The following IGSF21 variants were observed in gnomAD, a reference collection of about 807,000 sequenced individuals.
IGSF21 encodes immunoglobin superfamily member 21, also known as immunoglobulin superfamily member 21.
In IGSF21, 28 loss-of-function variants were observed where a neutral mutation model predicts 46.8. That is an observed-to-expected ratio of 0.60 (90% CI 0.44 to 0.82). The LOEUF is 0.82. Ranked by LOEUF, IGSF21 falls within the 40% of genes least tolerant of loss-of-function variation. The pLI is 0.00. For synonymous variants in IGSF21, 284 were observed against 273.6 expected, an observed-to-expected ratio of 1.04 and a Z score of -0.38; for missense variants, 624 against 665.5, an observed-to-expected ratio of 0.94 and a Z score of 0.69.
intron 1 of IGSF21, among the ~76,000 whole-genome samples, chr1:18,136,854 G>A (rs2086372040): frequency 6.6e-6 from 1 of 152,114 alleles, no homozygotes; most frequent in African/African-American, 2.4e-5. Context: ...GGGCAGTATG[G>A]CCATTTTCAC....
chr1:18,332,498 CT>C (rs71018070), intron 3 of IGSF21, among the ~76,000 whole-genome samples: 2,071 of 147,206 alleles, frequency 0.014, 13 homozygotes, highest in Middle Eastern at 0.04. Context: ...CTCTGAGTCT[CT>C]TTTTTTTTTT....
At chr1:18,216,057 A>G (rs1396505580) in intron 1 of IGSF21, among the ~76,000 whole-genome samples, 1 of 152,174 alleles carries the variant, frequency 6.6e-6, no homozygotes, top group Non-Finnish European at 1.5e-5. Context: ...TTATATTACA[A>G]TGGAATGTGT....
At position 18,126,749 on chromosome 1, in the gene IGSF21, G is replaced by C. The variant is rs531289364; in HGVS notation, c.70+18551G>C. 3.3e-5 allele frequency among the ~76,000 whole-genome samples: 5 copies of C among 152,256 alleles called. No individual in the cohort carries two copies. In the South Asian group the frequency reaches 8.3e-4, roughly 25 times the overall value. On this transcript the variant is annotated intron_variant, in intron 1 of 9. Transcript: ENST00000251296. ...CATGCTTCGTTATGTTTTATTAAAA[G>C]AGCTGGTGCTGGCTTCCGCTGGCAC...
At chr1:18,140,279 G>A (rs1363645631) in intron 1 of IGSF21, among the ~76,000 whole-genome samples, 3 of 152,146 alleles carry the variant, frequency 2.0e-5, no homozygotes, top group African/African-American at 4.8e-5. Flanking sequence ...ACCCTGTCTC[G>A]CCTAGTTCCC....
chr1:18,139,317 G>A (rs185736670), intron 1 of IGSF21, among the ~76,000 whole-genome samples: 8 of 152,010 alleles, frequency 5.3e-5, no homozygotes, highest in African/African-American at 7.3e-5. Context: ...GATGGGAGCC[G>A]GGGCATCTGA....
chr1:18,329,771 G>A (rs2085694092), intron 3 of IGSF21, among the ~76,000 whole-genome samples: 1 of 152,306 alleles, frequency 6.6e-6, no homozygotes, highest in South Asian at 2.1e-4. Flanking sequence ...CCCAATCCAA[G>A]CCTCAGTTTA....
At chr1:18,306,398 A>G (rs2085426637) in intron 3 of IGSF21, among the ~76,000 whole-genome samples, 1 of 151,228 alleles carries the variant, frequency 6.6e-6, no homozygotes, top group African/African-American at 2.4e-5. Context: ...AGAATTTCCC[A>G]CCCCTGTGTC....
chr1:18,355,837 T>C (rs1467876579), intron 4 of IGSF21, among the ~76,000 whole-genome samples: 1 of 147,434 alleles, frequency 6.8e-6, no homozygotes, highest in East Asian at 2.0e-4. Context: ...CTCTTTTTTT[T>C]TTTTTTTTTT....
rs1181259224 is a variant in IGSF21 at position 18,334,602 on chromosome 1, C to A, written c.306-290C>A. Among the ~76,000 whole-genome samples the A allele has an allele frequency of 6.6e-6, 1 of 152,180 alleles. No individual in the cohort carries two copies. Among genetic ancestry groups the A allele is most frequent in the Non-Finnish European group, 1.5e-5 (1 of 68,026 alleles). ...ATCCTCACGGCTCCCTGGAAGTGGG[C>A]ACCATCCCAGGCTCATGGAAGCCAA... is the stretch of plus-strand genomic sequence containing the variant. On this transcript the variant is annotated intron_variant, in intron 3 of 9. Coordinates refer to ENST00000251296, the MANE Select transcript of IGSF21 (RefSeq NM_032880.5). The surrounding 1 kb of genome is among the most constrained non-coding windows in gnomAD (Gnocchi z 4.3).
chr1:18,230,625 G>T (rs1333793704), intron 2 of IGSF21, among the ~76,000 whole-genome samples: 2 of 152,198 alleles, frequency 1.3e-5, no homozygotes, highest in South Asian at 2.1e-4. Context: ...AAGGATGGGG[G>T]CAGAGGAAGG....
chr1:18,307,104 C>T (rs1259645109), intron 3 of IGSF21, among the ~76,000 whole-genome samples: 2 of 152,066 alleles, frequency 1.3e-5, no homozygotes, highest in African/African-American at 2.4e-5. Context: ...TAATTGATTA[C>T]ATATTTCCTT....
intron 1 of IGSF21, among the ~76,000 whole-genome samples, chr1:18,167,502 G>GGTGGT (rs1480981513): frequency 6.6e-6 from 1 of 152,066 alleles, no homozygotes; most frequent in Non-Finnish European, 1.5e-5. Context: ...AAGGGTCTTG[G>GGTGGT]GTGGTGGTGA....
Position 18,107,900 on chromosome 1 carries a change from C to T in IGSF21, c.-229C>T, listed in dbSNP as rs1337940562. 2.8e-5 allele frequency: 5 copies of T among 175,962 alleles called. No homozygotes were observed. Among genetic ancestry groups the T allele is most frequent in the Non-Finnish European group, 5.9e-5 (5 of 84,594 alleles). 10.9% of individuals were successfully genotyped at this position (175,962 alleles called of 1,614,324 possible). ...AGAACCGCGGCGAGCCCCGAGGACG[C>T]CCAGAGCGCGAGGGTCGCTGCGCCT... On this transcript the variant is annotated 5_prime_UTR_variant, in exon 1 of 10. Coordinates refer to ENST00000251296, the MANE Select transcript of IGSF21 (RefSeq NM_032880.5).
intron 4 of IGSF21, among the ~76,000 whole-genome samples, chr1:18,346,035 G>A (rs1557653870): frequency 6.6e-6 from 1 of 152,182 alleles, no homozygotes; most frequent in Non-Finnish European, 1.5e-5. Flanking sequence ...GTGAAGGGCT[G>A]TGTCCATAGC....
chr1:18,359,338 A>AAAAAAAAGAAAG (rs1553166308), intron 4 of IGSF21, among the ~76,000 whole-genome samples: 545 of 35,186 alleles, frequency 0.015, 25 homozygotes, highest in East Asian at 0.025. Flanking sequence ...AAGAGAAAGA[A>AAAAAAAAGAAAG]AAAGAAAGAA....
intron 2 of IGSF21, among the ~76,000 whole-genome samples, chr1:18,262,762 C>A (rs554131358): frequency 2.0e-5 from 3 of 152,232 alleles, no homozygotes; most frequent in Non-Finnish European, 2.9e-5. Flanking sequence ...TGCTAAGAAC[C>A]AAGTCCTTTC....
At chr1:18,160,865 G>C (rs1283427795) in intron 1 of IGSF21, among the ~76,000 whole-genome samples, 1 of 152,196 alleles carries the variant, frequency 6.6e-6, no homozygotes, top group Non-Finnish European at 1.5e-5. Flanking sequence ...GGCTCTGACG[G>C]TTAGGACCAC....
chr1:18,293,176 A>C (rs138144102), intron 3 of IGSF21, among the ~76,000 whole-genome samples: 1 of 152,200 alleles, frequency 6.6e-6, no homozygotes, highest in East Asian at 1.9e-4. Context: ...GACAAGGCAC[A>C]TGCTCCTCCT....
At chr1:18,143,838 A>AG (rs1423036357) in intron 1 of IGSF21, among the ~76,000 whole-genome samples, 1 of 151,992 alleles carries the variant, frequency 6.6e-6, no homozygotes, top group African/African-American at 2.4e-5. Flanking sequence ...CTTAGGTGGT[A>AG]GGGGGGTGAG....
Sources: gnomAD v4.1 joint callset for allele counts (sites outside exome capture counted in the v4.1 genomes callset) on GRCh38, gnomAD v4.1.1 for gene constraint, Gnocchi (gnomAD v3.1) non-coding constraint, MANE v1.5 for transcripts, NCBI Gene and HGNC (gene_info 2026-07-23, HGNC 2026-07-21) for gene names.